PPP2R3A: variants seen among roughly 807,000 people sequenced by gnomAD.
PPP2R3A encodes the protein serine/threonine-protein phosphatase 2A regulatory subunit B'' subunit alpha.
Under a neutral mutation model 106.9 loss-of-function variants are expected in PPP2R3A, and 80 were observed. The ratio of observed to expected loss-of-function variants is 0.75; its 90% confidence interval spans 0.62 to 0.90. PPP2R3A has a LOEUF of 0.90. PPP2R3A is among the 40% of genes least tolerant of loss of function. The pLI is 0.00. For synonymous variants in PPP2R3A, 483 were observed against 468.3 expected, an observed-to-expected ratio of 1.03 and a Z score of -0.41; for missense variants, 1,386 against 1,350.4, an observed-to-expected ratio of 1.03 and a Z score of -0.41.
chr3:136,082,784 A>G (rs1936817828), intron 8 of PPP2R3A, among the ~76,000 whole-genome samples: 1 of 152,184 alleles, frequency 6.6e-6, no homozygotes, highest in Non-Finnish European at 1.5e-5. Context: ...ACTTAACAAT[A>G]TTTCTGTAAA....
intron 5 of PPP2R3A, among the ~76,000 whole-genome samples, chr3:136,067,873 G>T (rs1170178125): frequency 6.6e-6 from 1 of 152,148 alleles, no homozygotes; most frequent in Non-Finnish European, 1.5e-5. Flanking sequence ...GAAAATACAA[G>T]ATAAACATGG....
rs748461075 is a variant in PPP2R3A at position 136,001,822 on chromosome 3, C to A, written c.324C>A (p.Asn108Lys). The A allele has an allele frequency of 1.9e-6, 3 of 1,614,100 alleles. No homozygotes were observed. Among genetic ancestry groups the A allele is most frequent in the Non-Finnish European group, 2.5e-6 (3 of 1,179,996 alleles). The change falls in exon 2 of 14, where the codon AAC becomes AAA. Residue 108 changes from asparagine (N) to lysine (K), a missense_variant. Transcript: ENST00000264977. ...GATCTACATTTCAGAATACCTACAACTTAAAGGATATTGCAGGAGAAGCAA... is the reference window on the plus strand; with the variant it reads ...GATCTACATTTCAGAATACCTACAAATTAAAGGATATTGCAGGAGAAGCAA... ...KRGSTFQNTY[N>K]LKDIAGEAIS... is the part of the protein sequence containing the mutation.
At chr3:135,982,200 CT>C (rs892734768) in intron 1 of PPP2R3A, among the ~76,000 whole-genome samples, 3 of 151,868 alleles carry the variant, frequency 2.0e-5, no homozygotes, top group Admixed American at 6.6e-5. Flanking sequence ...GGCCATTCCA[CT>C]TTTATGAACT....
At chr3:136,037,642 C>A (rs1935129561) in intron 3 of PPP2R3A, among the ~76,000 whole-genome samples, 1 of 152,184 alleles carries the variant, frequency 6.6e-6, no homozygotes. Flanking sequence ...CTGCCCTCAT[C>A]TATGTGAGGA....
intron 11 of PPP2R3A, 110 bp downstream of exon 11, chr3:136,102,292 T>G: frequency 2.5e-6 from 3 of 1,219,094 alleles, no homozygotes; most frequent in Non-Finnish European, 3.4e-6. Flanking sequence ...GATAGAAGAC[T>G]TCCTAGGACA....
Position 136,026,910 on chromosome 3 carries a change from T to G in PPP2R3A, c.2074T>G (p.Ser692Ala). ...ATSPSSPRPLSPVPHVNNVVN... is the reference protein window; with the variant it reads ...ATSPSSPRPLAPVPHVNNVVN... The stretch of plus-strand genomic sequence containing the variant: ...CTCTCCAAGTAGTCCCCGACCTCTC[T>G]CCCCGGTTCCCCATGTGAATAATGT... The change falls in exon 3 of 14, where the codon TCC (serine) becomes GCC (alanine). Residue 692 changes from serine to alanine, a missense_variant. Ser to Ala is a moderately conservative substitution (Grantham distance 99). Transcript: ENST00000264977. 6.2e-7 allele frequency: 1 copy of G among 1,613,248 alleles called. No individual in the cohort carries two copies. The highest frequency in any genetic ancestry group is 8.5e-7 in the Non-Finnish European group (1 of 1,179,254).
At chr3:136,144,968 C>G (rs1939051618) in intron 13 of PPP2R3A, 75 bp from the exon 14 acceptor site, 6 of 1,514,376 alleles carry the variant, frequency 4.0e-6, no homozygotes, top group African/African-American at 2.8e-5. Flanking sequence ...TCTTGAGGCT[C>G]GGATTTGCCA....
chr3:136,103,214 A>T, intron 11 of PPP2R3A, 44 bp from the exon 12 acceptor site: 2 of 1,372,954 alleles, frequency 1.5e-6, no homozygotes, highest in Non-Finnish European at 2.0e-6. Flanking sequence ...TCTTGCCAAA[A>T]CAGCTCTTGA....
intron 11 of PPP2R3A, 62 bp downstream of exon 11, chr3:136,102,244 C>A: frequency 1.3e-6 from 2 of 1,521,098 alleles, no homozygotes; most frequent in Admixed American, 1.8e-5. Flanking sequence ...GGCAAAGAAT[C>A]CTAGATTGTC....
At chr3:136,064,327 T>G (rs1936188423) in intron 5 of PPP2R3A, among the ~76,000 whole-genome samples, 2 of 149,264 alleles carry the variant, frequency 1.3e-5, no homozygotes, top group East Asian at 2.1e-4. Context: ...AAATGACGAG[T>G]TACTGGGTGC....
intron 13 of PPP2R3A, 30 bp from the exon 14 acceptor site, chr3:136,145,013 A>G: frequency 1.3e-6 from 2 of 1,598,304 alleles, no homozygotes; most frequent in South Asian, 1.1e-5. Flanking sequence ...TCAATCAATC[A>G]GTTAATTCAC....
chr3:136,031,088 A>G (rs1934871682), intron 3 of PPP2R3A, among the ~76,000 whole-genome samples: 1 of 152,106 alleles, frequency 6.6e-6, no homozygotes, highest in Non-Finnish European at 1.5e-5. Context: ...TCCCACCAGC[A>G]GTGTAGAAAT....
At chr3:136,138,479 A>C (rs973351198) in intron 13 of PPP2R3A, among the ~76,000 whole-genome samples, 3 of 152,194 alleles carry the variant, frequency 2.0e-5, no homozygotes, top group African/African-American at 7.2e-5. Context: ...CAAGTGGTAC[A>C]TATTAGGAAA....
At chr3:136,061,160 CAGAGAGAAAGAG>C (rs1360408776) in intron 5 of PPP2R3A, among the ~76,000 whole-genome samples, 1 of 152,002 alleles carries the variant, frequency 6.6e-6, no homozygotes, top group African/African-American at 2.4e-5. Context: ...GGATATCTTT[CAGAGAGAAAGAG>C]AGAGAGAAAA....
chr3:136,074,465 A>T lies in PPP2R3A; in HGVS notation c.2545-3902A>T, dbSNP rs569024248. ...TTGATATTGAATGAAAATGAAGATT[A>T]GAAATACCAGCAAATCATAGCCGTT... On this transcript the variant is annotated intron_variant, in intron 6 of 13. Transcript: ENST00000264977. 2.0e-5 allele frequency among the ~76,000 whole-genome samples: 3 copies of T among 152,374 alleles called. No individual in the cohort carries two copies. The South Asian group carries it at 6.2e-4, about 32-fold the overall frequency.
rs1347414594 is a variant in PPP2R3A at position 136,147,666 on chromosome 3, A to C, written c.*2500A>C. ...GTTATCATGACCTTAATGCTAATTCAATGAGAAATGAGTTTAATAGCATAA... is the reference window on the plus strand; with the variant it reads ...GTTATCATGACCTTAATGCTAATTCCATGAGAAATGAGTTTAATAGCATAA... On this transcript the variant is annotated 3_prime_UTR_variant, in exon 14 of 14. Coordinates refer to ENST00000264977, the MANE Select transcript of PPP2R3A (RefSeq NM_002718.5). 2 of 152,498 alleles carry C rather than the reference A, an allele frequency of 1.3e-5. No homozygotes were observed. Among genetic ancestry groups the C allele is most frequent in the Non-Finnish European group, 2.9e-5 (2 of 68,040 alleles). The allele number at this position is 152,498 out of a possible 1,614,324, so 9.4% of individuals were successfully genotyped here.
At position 136,001,998 on chromosome 3, in the gene PPP2R3A, A is replaced by G; in HGVS notation, c.500A>G (p.Asn167Ser). Residue 167 changes from asparagine (N) to serine (S), a missense_variant, in exon 2 of 14, where the codon AAC becomes AGC. By Grantham distance (46) the Asn-to-Ser change is conservative. Coordinates refer to ENST00000264977, the MANE Select transcript of PPP2R3A (RefSeq NM_002718.5). Reference sequence around the variant, plus strand: ...GACTTGCTTTGTGGCCATTATAACAACGATGGGAACGCCCCATCCTTTGGT... The same window carrying G: ...GACTTGCTTTGTGGCCATTATAACAGCGATGGGAACGCCCCATCCTTTGGT... ...DLDLLCGHYN[N>S]DGNAPSFGLL... The G allele has an allele frequency of 6.2e-7, 1 of 1,614,158 alleles. No individual in the cohort carries two copies. Among genetic ancestry groups the G allele is most frequent in the Non-Finnish European group, 8.5e-7 (1 of 1,180,012 alleles).
At chr3:136,072,459 G>T (rs767043295) in intron 6 of PPP2R3A, among the ~76,000 whole-genome samples, 2 of 152,128 alleles carry the variant, frequency 1.3e-5, no homozygotes, top group South Asian at 4.1e-4. Context: ...AGGTGTGGTG[G>T]TGCACACCTG....
intron 5 of PPP2R3A, among the ~76,000 whole-genome samples, chr3:136,061,204 A>G (rs1273508038): frequency 3.9e-5 from 6 of 152,216 alleles, no homozygotes; most frequent in Admixed American, 3.9e-4. Context: ...ATAGAGGACC[A>G]CTTCAGGAAT....
Sources: allele counts gnomAD v4.1 joint callset (sites outside exome capture counted in the v4.1 genomes callset), GRCh38; gene constraint gnomAD v4.1.1; transcripts MANE v1.5; gene names NCBI Gene and HGNC (gene_info 2026-07-23, HGNC 2026-07-21).